Variants in FAT4 observed in about 807,000 individuals in gnomAD.
FAT4 encodes protocadherin Fat 4.
In FAT4, 84 loss-of-function variants were observed where a neutral mutation model predicts 303.9. That is an observed-to-expected ratio of 0.28 (90% CI 0.23 to 0.33). The LOEUF is 0.33. Among genes scored for constraint, FAT4 ranks in the 10% least tolerant of loss-of-function variants. The pLI is 1.00. For synonymous variants in FAT4, 2,307 were observed against 2,298.8 expected (o/e 1.00, Z -0.10); for missense variants, 6,005 against 6,146.8 (o/e 0.98, Z 0.77).
Position 125,321,146 on chromosome 4 carries a change from C to A in FAT4, c.4735C>A (p.Arg1579Ser), listed in dbSNP as rs372570229. 6.2e-7 allele frequency: 1 copy of A among 1,614,082 alleles called. No individual in the cohort carries two copies. The highest frequency in any genetic ancestry group is 2.2e-5 in the East Asian group (1 of 44,886). ...GGACACAGACACCTTCATTGTTGAT[C>A]GTTATAGTGGAGACCTGAGAGTGGC... ...NGDTDTFIVD[R>S]YSGDLRVASA... Residue 1579 changes from arginine (R) to serine (S), a missense_variant, in exon 2 of 18, where the codon CGT becomes AGT. Arg to Ser is a moderately radical substitution (Grantham distance 110). Coordinates refer to ENST00000394329, the MANE Select transcript of FAT4 (RefSeq NM_001291303.3).
At chr4:125,407,676 A>G (rs1734671385) in intron 4 of FAT4, among the ~76,000 whole-genome samples, 1 of 152,120 alleles carries the variant, frequency 6.6e-6, no homozygotes, top group African/African-American at 2.4e-5. Context: ...GTATTAGCAA[A>G]TGCCCATTAA....
rs372543077 is a variant in FAT4, at chr4:125,477,213, A to C, written c.12358A>C (p.Ile4120Leu). 6.6e-7 allele frequency: 1 copy of C among 1,524,872 alleles called. No individual in the cohort carries two copies. The highest frequency in any genetic ancestry group is 8.8e-7 in the Non-Finnish European group (1 of 1,131,044). The allele number at this position is 1,524,872 out of a possible 1,614,324, so 94.5% of individuals were successfully genotyped here. The change falls in exon 14 of 18, where the codon ATC (isoleucine) becomes CTC (leucine). Residue 4120 changes from isoleucine to leucine, a missense_variant. Ile to Leu is a conservative substitution (Grantham distance 5, BLOSUM62 2). Transcript: ENST00000394329. The part of the protein sequence containing the change: ...TVGGIRSLEP[I>L]LQRRGHVESH... ...TGGAGGTATCAGATCTCTAGAACCAATCCTTCAGAGAAGAGGACACGTGGA... is the reference window on the plus strand; with the variant it reads ...TGGAGGTATCAGATCTCTAGAACCACTCCTTCAGAGAAGAGGACACGTGGA...
chr4:125,440,608 T>TGA (rs766978076), intron 8 of FAT4, among the ~76,000 whole-genome samples: 75 of 57,338 alleles, frequency 1.3e-3, no homozygotes, highest in East Asian at 7.5e-3. Flanking sequence ...TGTGTGTGTG[T>TGA]GTGAGAGAGA....
At chr4:125,443,217 A>G (rs1180162434) in intron 8 of FAT4, among the ~76,000 whole-genome samples, 1 of 152,192 alleles carries the variant, frequency 6.6e-6, no homozygotes, top group East Asian at 1.9e-4. Flanking sequence ...TAGTTGATTT[A>G]GGGTTCAGAT....
Position 125,319,703 on chromosome 4 carries a change from C to G in FAT4, c.3292C>G (p.Pro1098Ala). The G allele has an allele frequency of 6.2e-7, 1 of 1,613,934 alleles. No individual in the cohort carries two copies. The highest frequency in any genetic ancestry group is 1.1e-5 in the South Asian group (1 of 91,082). Residue 1098 changes from proline to alanine, a missense_variant, in exon 2 of 18, where the codon CCT becomes GCT. Coordinates refer to ENST00000394329, the MANE Select transcript of FAT4 (RefSeq NM_001291303.3). Reference protein sequence around the residue: ...VILEDVNDNRPLFNSTNYTFY... With the variant: ...VILEDVNDNRALFNSTNYTFY... Reference sequence around the variant, plus strand: ...TTTAGAAGATGTAAATGATAACAGACCTCTTTTTAACAGTACCAATTACAC... The same window carrying G: ...TTTAGAAGATGTAAATGATAACAGAGCTCTTTTTAACAGTACCAATTACAC...
At chr4:125,421,319 C>T (rs1054648554) in intron 7 of FAT4, among the ~76,000 whole-genome samples, 2 of 152,152 alleles carry the variant, frequency 1.3e-5, no homozygotes, top group Admixed American at 6.6e-5. Context: ...TCTAAGCACA[C>T]GTGGCAATTG....
chr4:125,405,614 C>T (rs1734568305), intron 3 of FAT4, among the ~76,000 whole-genome samples: 1 of 151,762 alleles, frequency 6.6e-6, no homozygotes, highest in Non-Finnish European at 1.5e-5. Flanking sequence ...GAGTTCATGC[C>T]ATTCTCCTGC....
intron 11 of FAT4, among the ~76,000 whole-genome samples, chr4:125,464,626 G>A (rs1304768870): frequency 4.0e-5 from 6 of 151,854 alleles, no homozygotes; most frequent in South Asian, 2.1e-4. Flanking sequence ...CCATCAACTC[G>A]TCATTTACAT....
intron 2 of FAT4, among the ~76,000 whole-genome samples, chr4:125,346,098 G>A (rs1731989904): frequency 6.6e-6 from 1 of 152,004 alleles, no homozygotes; most frequent in Non-Finnish European, 1.5e-5. Flanking sequence ...CTTTAATAAA[G>A]TCATTTGAAG....
intron 11 of FAT4, among the ~76,000 whole-genome samples, chr4:125,465,556 G>A (rs964923347): frequency 1.3e-4 from 20 of 152,084 alleles, no homozygotes; most frequent in Admixed American, 6.6e-5. Context: ...TTGCAAATTT[G>A]GGGATTTAAG....
rs1560808347 is a variant in FAT4 at position 125,415,332 on chromosome 4, A to G, written c.6369A>G (p.Thr2123=). The change falls in exon 6 of 18, where the codon ACA becomes ACG. Residue 2123 remains threonine (T), a synonymous_variant. Transcript: ENST00000394329. ...AAGAAGTTTCTAATTATACTCTAAC[A>G]GTGGTGGCTACAGACAAAGGTCAAC... ...DREEVSNYTL[T]VVATDKGQPS... 3.7e-6 allele frequency: 6 copies of G among 1,614,024 alleles called. No homozygotes were observed. Among genetic ancestry groups the G allele is most frequent in the Non-Finnish European group, 3.4e-6 (4 of 1,179,950 alleles).
chr4:125,446,930 A>G (rs1449865169), intron 9 of FAT4, among the ~76,000 whole-genome samples: 3 of 152,058 alleles, frequency 2.0e-5, no homozygotes, highest in East Asian at 1.9e-4. Context: ...TACCTGAAAC[A>G]TGATATGGGA....
intron 7 of FAT4, among the ~76,000 whole-genome samples, chr4:125,421,194 C>T (rs959104409): frequency 1.7e-4 from 26 of 152,220 alleles, no homozygotes; most frequent in African/African-American, 4.8e-4. Context: ...AAGTGCTAGG[C>T]GTGAGCCACT....
chr4:125,339,752 A>G (rs1001394297), intron 2 of FAT4, among the ~76,000 whole-genome samples: 4 of 152,182 alleles, frequency 2.6e-5, no homozygotes, highest in Non-Finnish European at 5.9e-5. Context: ...AATTAGGAAG[A>G]CCTAGAGCCA....
chr4:125,426,490 G>T (rs1037147674), intron 7 of FAT4, among the ~76,000 whole-genome samples: 2 of 151,952 alleles, frequency 1.3e-5, no homozygotes, highest in African/African-American at 4.8e-5. Context: ...ACTGGTTATT[G>T]TTTTAATTCC....
At chr4:125,327,101 C>T (rs1365735977) in intron 2 of FAT4, among the ~76,000 whole-genome samples, 1 of 152,118 alleles carries the variant, frequency 6.6e-6, no homozygotes, top group Non-Finnish European at 1.5e-5. Flanking sequence ...AGCTAAGGCC[C>T]TCAGCAGATC....
At chr4:125,398,583 C>T (rs1578596914) in intron 2 of FAT4, among the ~76,000 whole-genome samples, 1 of 152,050 alleles carries the variant, frequency 6.6e-6, no homozygotes, top group Admixed American at 6.6e-5. Context: ...ACAAGGCAGA[C>T]GATTTTTATT....
At chr4:125,373,167 T>G (rs890842186) in intron 2 of FAT4, among the ~76,000 whole-genome samples, 11 of 152,156 alleles carry the variant, frequency 7.2e-5, no homozygotes, top group African/African-American at 2.7e-4. Context: ...TGTTTTAAAA[T>G]TTGTGTAAAA....
rs199842202 is a variant in FAT4 at position 125,408,539 on chromosome 4, T to C, written c.5665T>C (p.Phe1889Leu). 1 of 1,612,818 alleles carries C rather than the reference T, an allele frequency of 6.2e-7. No homozygotes were observed. The highest frequency in any genetic ancestry group is 1.7e-5 in the Admixed American group (1 of 59,960). ...GAATGAAGATGATGAAGATGGCATC[T>C]TTTTCCTGAATCCTATTACTGGGGT... Reference protein sequence around the residue: ...IVNEDDEDGIFFLNPITGVFN... With the variant: ...IVNEDDEDGILFLNPITGVFN... Residue 1889 changes from phenylalanine (F) to leucine (L), a missense_variant, in exon 5 of 18, where the codon TTT becomes CTT. Coordinates refer to ENST00000394329, the MANE Select transcript of FAT4 (RefSeq NM_001291303.3).
Sources: allele counts gnomAD v4.1 joint callset (sites outside exome capture counted in the v4.1 genomes callset), GRCh38; gene constraint gnomAD v4.1.1; transcripts MANE v1.5; gene names NCBI Gene and HGNC (gene_info 2026-07-23, HGNC 2026-07-21).